ZNF385D: variants seen among roughly 807,000 people sequenced by gnomAD.
ZNF385D encodes the protein zinc finger protein 659.
In ZNF385D, 15 loss-of-function variants were observed where a neutral mutation model predicts 35.8. The ratio of observed to expected loss-of-function variants is 0.42; its 90% confidence interval spans 0.28 to 0.64. ZNF385D has a LOEUF of 0.64. Among genes scored for constraint, ZNF385D ranks in the 30% least tolerant of loss-of-function variants. The pLI, the probability that ZNF385D is intolerant of heterozygous loss-of-function variation, is 0.23. For synonymous variants in ZNF385D, 212 were observed against 186.8 expected, an observed-to-expected ratio of 1.13 and a Z score of -1.10; for missense variants, 474 against 494.6, an observed-to-expected ratio of 0.96 and a Z score of 0.39.
chr3:21,834,085 T>G (rs1422026028), intron 3 of ZNF385D, among the ~76,000 whole-genome samples: 9 of 152,014 alleles, frequency 5.9e-5, no homozygotes, highest in African/African-American at 2.2e-4. Context: ...AAGTGGACAA[T>G]AAGAAAAAAA....
intron 4 of ZNF385D, among the ~76,000 whole-genome samples, chr3:21,491,101 A>G (rs1705396020): frequency 7.5e-6 from 1 of 132,682 alleles, no homozygotes; most frequent in South Asian, 2.7e-4. Flanking sequence ...AGGAGCTTTC[A>G]GTCTTGCTTA....
At chr3:21,642,860 T>C (rs2065646938) in intron 2 of ZNF385D, among the ~76,000 whole-genome samples, 1 of 152,072 alleles carries the variant, frequency 6.6e-6, no homozygotes, top group African/African-American at 2.4e-5. Flanking sequence ...AAACACTGTA[T>C]AACTCCATTT....
chr3:21,563,184 G>C (rs919830315), intron 3 of ZNF385D: 20 of 152,088 alleles, frequency 1.3e-4, no homozygotes, highest in African/African-American at 4.6e-4. Context: ...ATAGCTTCAA[G>C]GGAGCTCCTT....
At chr3:21,860,346 C>T (rs992156316) in intron 3 of ZNF385D, among the ~76,000 whole-genome samples, 2 of 152,078 alleles carry the variant, frequency 1.3e-5, no homozygotes, top group Non-Finnish European at 2.9e-5. Context: ...TTTGCAAAGA[C>T]AAGCAGTCAA....
chr3:21,939,960 G>GA (rs1701436974), intron 3 of ZNF385D, among the ~76,000 whole-genome samples: 1 of 152,142 alleles, frequency 6.6e-6, no homozygotes, highest in African/African-American at 2.4e-5. Flanking sequence ...TTGTCCCAGG[G>GA]AAAGAAGAAT....
chr3:21,601,948 C>T lies in ZNF385D; in HGVS notation c.166-37264G>A, dbSNP rs562203376. Among the ~76,000 whole-genome samples the T allele has an allele frequency of 5.0e-4, 76 of 152,208 alleles. 1 individual carries two copies. The highest frequency in any genetic ancestry group is 1.6e-3 in the African/African-American group (68 of 41,524). On this transcript the variant is annotated intron_variant, in intron 2 of 7. Transcript: ENST00000281523. ...TTTTATGTTCAGAGAGAATAAAGCA[C>T]GTGTATTAGTCCATTCTCCTACTGC... is the stretch of plus-strand genomic sequence containing the variant.
intron 2 of ZNF385D, among the ~76,000 whole-genome samples, chr3:22,226,424 C>T (rs1277098213): frequency 1.3e-5 from 2 of 152,108 alleles, no homozygotes; most frequent in Non-Finnish European, 2.9e-5. Context: ...ACAAAGATTC[C>T]CTGATCCCAA....
At chr3:22,246,409 G>A (rs1365137007) in intron 2 of ZNF385D, among the ~76,000 whole-genome samples, 1 of 152,028 alleles carries the variant, frequency 6.6e-6, no homozygotes, top group Admixed American at 6.6e-5. Flanking sequence ...CAGCAAATAT[G>A]AATTGAGTGA....
At position 22,179,399 on chromosome 3, in the gene ZNF385D, G is replaced by A. The variant is rs1695063174; in HGVS notation, c.107-10364C>T. 2.6e-5 allele frequency among the ~76,000 whole-genome samples: 4 copies of A among 152,320 alleles called. No individual in the cohort carries two copies. The South Asian group carries it at 8.3e-4, about 32-fold the overall frequency. On this transcript the variant is annotated intron_variant, in intron 2 of 5. Transcript: ENST00000494108. ...TGGCTCTCTTGTGTGTCTGTTATTG[G>A]TGTATAAGAATGCTTATGATTTTTG...
intron 3 of ZNF385D, among the ~76,000 whole-genome samples, chr3:21,892,931 A>C (rs983725614): frequency 6.6e-6 from 1 of 152,216 alleles, no homozygotes; most frequent in African/African-American, 2.4e-5. Context: ...TTGTAAAAAT[A>C]AGCATTTTTT....
intron 3 of ZNF385D, among the ~76,000 whole-genome samples, chr3:22,103,363 C>A (rs1381709521): frequency 6.6e-6 from 1 of 151,986 alleles, no homozygotes; most frequent in Non-Finnish European, 1.5e-5. Flanking sequence ...ATAACAAAAA[C>A]ACCCCAAGAA....
intron 3 of ZNF385D, among the ~76,000 whole-genome samples, chr3:21,974,956 A>C (rs1703501671): frequency 6.6e-6 from 1 of 152,196 alleles, no homozygotes; most frequent in South Asian, 2.1e-4. Flanking sequence ...GGAACCCTCG[A>C]ACACTGTTAG....
intron 3 of ZNF385D, among the ~76,000 whole-genome samples, chr3:21,814,449 C>T (rs986409008): frequency 4.6e-5 from 7 of 152,108 alleles, no homozygotes; most frequent in Admixed American, 1.3e-4. Flanking sequence ...ATCTCATGTG[C>T]AGAGACACAG....
chr3:21,543,269 C>G (rs1025229507), intron 3 of ZNF385D, among the ~76,000 whole-genome samples: 6 of 152,174 alleles, frequency 3.9e-5, no homozygotes, highest in South Asian at 2.1e-4. Flanking sequence ...GAGCCAAGAT[C>G]ACGCCACTCT....
rs542899383 is a variant in ZNF385D at position 22,255,139 on chromosome 3, C to T, written c.107-86104G>A. On this transcript the variant is annotated intron_variant, in intron 2 of 5. Transcript: ENST00000494108. The stretch of plus-strand genomic sequence containing the variant: ...ACTTGGGAAAACAAAACCACAAATG[C>T]GGGGAACTACTATATTGTATAGACC... Among the ~76,000 whole-genome samples the T allele has an allele frequency of 2.5e-4, 38 of 150,866 alleles. No individual in the cohort carries two copies. The East Asian group carries it at 5.1e-3, about 20-fold the overall frequency.
intron 2 of ZNF385D, among the ~76,000 whole-genome samples, chr3:21,638,442 A>C (rs3860585): frequency 6.6e-6 from 1 of 151,826 alleles, no homozygotes; most frequent in Non-Finnish European, 1.5e-5. Flanking sequence ...CTAAGTGCAG[A>C]GGTCCTCAGC....
At chr3:22,370,939 G>T (rs1042452205) in intron 2 of ZNF385D, among the ~76,000 whole-genome samples, 1 of 152,130 alleles carries the variant, frequency 6.6e-6, no homozygotes, top group Non-Finnish European at 1.5e-5. Flanking sequence ...ACAACTTCCA[G>T]CACTTCATTT....
At chr3:22,298,564 C>CACACAA (rs1318388915) in intron 2 of ZNF385D, among the ~76,000 whole-genome samples, 2 of 147,180 alleles carry the variant, frequency 1.4e-5, no homozygotes, top group Non-Finnish European at 1.5e-5. Flanking sequence ...CACACATACA[C>CACACAA]ACACACACAC....
chr3:21,981,916 G>A (rs1422258317), intron 3 of ZNF385D, among the ~76,000 whole-genome samples: 2 of 151,870 alleles, frequency 1.3e-5, no homozygotes, highest in Non-Finnish European at 2.9e-5. Flanking sequence ...TTTTCCATTG[G>A]TTTACATGCC....
Sources: gnomAD v4.1 joint callset for allele counts (sites outside exome capture counted in the v4.1 genomes callset) on GRCh38, gnomAD v4.1.1 for gene constraint, MANE v1.5 for transcripts, NCBI Gene and HGNC (gene_info 2026-07-23, HGNC 2026-07-21) for gene names.